The following ATP11B variants were observed in gnomAD, a reference collection of about 807,000 sequenced individuals.
The protein encoded by ATP11B is phospholipid-transporting ATPase IF.
A neutral mutation model predicts 157.8 loss-of-function variants in ATP11B; 81 were observed. The ratio of observed to expected loss-of-function variants is 0.51; its 90% CI spans 0.43 to 0.62. The LOEUF (loss-of-function observed/expected upper bound fraction) is 0.62. Among genes scored for constraint, ATP11B ranks in the 20% least tolerant of loss-of-function variants. The pLI is 0.00. For missense variants in ATP11B, 1,165 were observed against 1,402.2 expected, an observed-to-expected ratio of 0.83 and a Z score of 2.70; for synonymous variants, 451 against 469.4, an observed-to-expected ratio of 0.96 and a Z score of 0.51.
At chr3:182,794,098 G>C (rs1481459119) in intron 1 of ATP11B, among the ~76,000 whole-genome samples, 1 of 152,178 alleles carries the variant, frequency 6.6e-6, no homozygotes, top group Non-Finnish European at 1.5e-5. Context: ...CGGGAGTCCC[G>C]AGCGGGGTGG....
At chr3:182,894,869 G>C (rs1462392692) in intron 25 of ATP11B, among the ~76,000 whole-genome samples, 1 of 151,838 alleles carries the variant, frequency 6.6e-6, no homozygotes, top group Non-Finnish European at 1.5e-5. Context: ...TATAGTCCTA[G>C]CATGTTGGGA....
In ATP11B at chr3:182,916,728, A is replaced by T. The variant is rs1221715911; in HGVS notation, c.3453-1295A>T. On this transcript the variant is annotated intron_variant, in intron 29 of 29. Transcript: ENST00000323116. Reference sequence around the variant, plus strand: ...ACATGTGTGCTTTGAAAAAAAATTTAAAATGAAGGAGACTTTACCTAATAA... The same window carrying T: ...ACATGTGTGCTTTGAAAAAAAATTTTAAATGAAGGAGACTTTACCTAATAA... The T allele has an allele frequency of 3.0e-6, 3 of 984,196 alleles. No individual in the cohort carries two copies. In the East Asian group the frequency reaches 3.4e-4, roughly 112 times the overall value. 61.0% of individuals were successfully genotyped at this position (984,196 alleles called of 1,614,324 possible). A position where few individuals can be genotyped will look rare whatever the true frequency, so the allele number is the denominator to read the frequency against.
rs375654663 is a variant in ATP11B, at chr3:182,856,550, C to A, written c.852-1328C>A. ...GTAGATTTGAATGTCATATCCCTTC[C>A]TTACTAGCTCTATGGGGCTTTAGAC... On this transcript the variant is annotated intron_variant, in intron 10 of 29. Transcript: ENST00000323116. 1.8e-4 allele frequency among the ~76,000 whole-genome samples: 28 copies of A among 152,282 alleles called. No homozygotes were observed. In the South Asian group the frequency reaches 5.6e-3, roughly 30 times the overall value.
intron 25 of ATP11B, among the ~76,000 whole-genome samples, chr3:182,893,236 A>C (rs1219205904): frequency 6.6e-6 from 1 of 151,892 alleles, no homozygotes; most frequent in Non-Finnish European, 1.5e-5. Context: ...TTTATTATTT[A>C]CTTTTTTTTT....
chr3:182,864,037 A>G (rs1721048025), intron 12 of ATP11B, among the ~76,000 whole-genome samples: 1 of 151,852 alleles, frequency 6.6e-6, no homozygotes, highest in Non-Finnish European at 1.5e-5. Context: ...TTCACCATTT[A>G]TTTGCTTTTT....
At chr3:182,825,722 C>CAAA (rs1214752270) in intron 2 of ATP11B, among the ~76,000 whole-genome samples, 1 of 89,654 alleles carries the variant, frequency 1.1e-5, no homozygotes, top group Non-Finnish European at 2.4e-5. Context: ...GACTCTGTCT[C>CAAA]AAAAAAAAAA....
At chr3:182,896,791 G>T in intron 26 of ATP11B, 26 bp downstream of exon 26, 2 of 1,567,690 alleles carry the variant, frequency 1.3e-6, no homozygotes, top group Admixed American at 1.7e-5. Context: ...TAGAAATGTG[G>T]ACACATTTTG....
chr3:182,804,447 A>G (rs904652626), intron 1 of ATP11B, among the ~76,000 whole-genome samples: 9 of 151,900 alleles, frequency 5.9e-5, no homozygotes, highest in Middle Eastern at 3.2e-3. Context: ...GGGTTTCACC[A>G]TGGTCTTGAT....
chr3:182,897,470 G>A, intron 27 of ATP11B, 64 bp downstream of exon 27: 9 of 1,148,094 alleles, frequency 7.8e-6, no homozygotes, highest in South Asian at 1.5e-5. Context: ...ATTGTGATAG[G>A]TTACATTATG....
intron 28 of ATP11B, among the ~76,000 whole-genome samples, chr3:182,910,476 T>C (rs954756972): frequency 6.6e-6 from 1 of 151,910 alleles, no homozygotes; most frequent in African/African-American, 2.4e-5. Context: ...GAGGCTGAGG[T>C]GGAAGGATTG....
chr3:182,835,325 A>G (rs1239377629), intron 4 of ATP11B, among the ~76,000 whole-genome samples: 1 of 152,176 alleles, frequency 6.6e-6, no homozygotes, highest in East Asian at 1.9e-4. Context: ...AGTTCCAAAA[A>G]TCTGCTCATT....
At chr3:182,896,579 A>C in intron 25 of ATP11B, 121 bp from the exon 26 acceptor site, 1 of 759,986 alleles carries the variant, frequency 1.3e-6, no homozygotes, top group Non-Finnish European at 2.3e-6. Flanking sequence ...TATAGTCACC[A>C]GTTTCAAATG....
intron 1 of ATP11B, among the ~76,000 whole-genome samples, chr3:182,813,584 C>A (rs957734212): frequency 6.6e-6 from 1 of 152,006 alleles, no homozygotes; most frequent in Admixed American, 6.6e-5. Flanking sequence ...CTAGGAACAC[C>A]AGAATAAAAA....
intron 29 of ATP11B, chr3:182,915,439 G>C (rs963427363): frequency 1.3e-5 from 13 of 985,040 alleles, no homozygotes; most frequent in Non-Finnish European, 1.6e-5. Flanking sequence ...ATGTACCTAG[G>C]CCAGCAAATT....
intron 28 of ATP11B, chr3:182,902,374 G>A (rs1411641761): frequency 8.9e-6 from 4 of 448,742 alleles, no homozygotes; most frequent in Admixed American, 3.0e-5. Context: ...TTTACTCCTC[G>A]TGTAGGAACA....
chr3:182,828,954 G>GA (rs1379657977), intron 3 of ATP11B, among the ~76,000 whole-genome samples: 8 of 151,988 alleles, frequency 5.3e-5, no homozygotes, highest in Non-Finnish European at 1.0e-4. Flanking sequence ...GATTTCAAAT[G>GA]AAAAATTGAA....
chr3:182,845,009 T>TTTTTTTTTTTTTA lies in ATP11B; in HGVS notation c.705-443_705-442insTTTTTTATTTTTT, dbSNP rs1560081876. 2.1e-4 allele frequency among the ~76,000 whole-genome samples: 24 copies of TTTTTTTTTTTTTA among 112,100 alleles called. 2 individuals carry two copies. The highest frequency in any genetic ancestry group is 2.7e-4 in the South Asian group (1 of 3,650). 73.5% of individuals were successfully genotyped at this position (112,100 alleles called of 152,430 possible). On this transcript the variant is annotated intron_variant, in intron 8 of 29. Transcript: ENST00000323116. ...TTTTTTTTTTATTTTTTTTTTTATT[T>TTTTTTTTTTTTTA]TTTTTTATTTTTGAGATGGAGTCTC...
intron 25 of ATP11B, among the ~76,000 whole-genome samples, chr3:182,895,866 T>G (rs987684600): frequency 6.6e-6 from 1 of 152,132 alleles, no homozygotes; most frequent in Non-Finnish European, 1.5e-5. Flanking sequence ...CTTCGTGGTG[T>G]TCCTTGGACC....
chr3:182,846,242 G>C (rs1169569095), intron 9 of ATP11B, among the ~76,000 whole-genome samples: 1 of 150,864 alleles, frequency 6.6e-6, no homozygotes, highest in Admixed American at 6.6e-5. Flanking sequence ...TCTGTTACCT[G>C]TACTATATCT....
Sources: allele counts gnomAD v4.1 joint callset (sites outside exome capture counted in the v4.1 genomes callset), GRCh38; gene constraint gnomAD v4.1.1; transcripts MANE v1.5; gene names NCBI Gene and HGNC (gene_info 2026-07-23, HGNC 2026-07-21).